PDE4C: variants seen among roughly 807,000 people sequenced by gnomAD.
The protein encoded by PDE4C is phosphodiesterase 4C.
PDE4C carries 50 observed loss-of-function variants against 63.9 expected under a neutral mutation model. That is an observed-to-expected ratio of 0.78 (90% confidence interval 0.62 to 0.99). PDE4C has a LOEUF of 0.99. PDE4C is among the 50% of genes least tolerant of loss of function. The pLI is 0.00. For synonymous variants in PDE4C, 377 were observed against 385.1 expected (o/e 0.98, Z 0.25); for missense variants, 777 against 899.1 (o/e 0.86, Z 1.74).
At chr19:18,235,118 C>G (rs1204275727), upstream of PDE4C, among the ~76,000 whole-genome samples, 1 of 152,188 alleles carries the variant, frequency 6.6e-6, no homozygotes, top group Non-Finnish European at 1.5e-5. Context: ...GCTGTGCATA[C>G]CAGTGCCCCC....
At chr19:18,245,050 T>A (rs192777063) in intron 1 of PDE4C, among the ~76,000 whole-genome samples, 2 of 152,126 alleles carry the variant, frequency 1.3e-5, no homozygotes, top group African/African-American at 2.4e-5. Context: ...TTGGCCAGGA[T>A]GGTCTCGATC....
chr19:18,211,931 T>A (rs148641627), exon 14 of PDE4C: 2 of 1,613,904 alleles, frequency 1.2e-6, no homozygotes, highest in South Asian at 1.1e-5. Context: ...GTGCACCAGG[T>A]TCTGCAAGAC....
chr19:18,216,993 C>A (rs549136044), intron 11 of PDE4C, 98 bp from the exon 12 acceptor site: 2 of 1,348,572 alleles, frequency 1.5e-6, no homozygotes, highest in South Asian at 2.9e-5. Flanking sequence ...CCTACCCATG[C>A]GTTGAAGGCC....
At chr19:18,228,665 G>T (rs1968790740), upstream of PDE4C, among the ~76,000 whole-genome samples, 1 of 152,186 alleles carries the variant, frequency 6.6e-6, no homozygotes, top group African/African-American at 2.4e-5. Flanking sequence ...TTTATTAACA[G>T]TTCTAACAGG....
rs183643203 is a variant in PDE4C at position 18,246,172 on chromosome 19, C to T, written c.-210+1999G>A. On this transcript the variant is annotated intron_variant, in intron 1 of 15. Coordinates refer to the PDE4C transcript ENST00000594617. Reference sequence around the variant, plus strand: ...CTGGGATTACAGGTGCCCGCCACCACACCAGGCTAATTTTTTTTTTTTTTT... The same window carrying T: ...CTGGGATTACAGGTGCCCGCCACCATACCAGGCTAATTTTTTTTTTTTTTT... Among the ~76,000 whole-genome samples the T allele has an allele frequency of 6.6e-3, 967 of 146,680 alleles. 71 individuals are homozygous for T. The East Asian group carries it at 0.18, about 27-fold the overall frequency.
chr19:18,213,147 G>A (rs544972373), intron 13 of PDE4C, among the ~76,000 whole-genome samples: 16 of 151,538 alleles, frequency 1.1e-4, no homozygotes, highest in African/African-American at 3.6e-4. Flanking sequence ...AGCTGGGCGC[G>A]GTGCCGGGCA....
chr19:18,221,039 C>T (rs1968451822), intron 4 of PDE4C, 66 bp downstream of exon 4: 2 of 1,511,612 alleles, frequency 1.3e-6, no homozygotes, highest in Non-Finnish European at 1.8e-6. Flanking sequence ...CCTCAATTTG[C>T]AGCCCGCTTT....
exon 1 of PDE4C, chr19:18,233,508 A>G (rs1463084551): frequency 2.1e-5 from 13 of 617,954 alleles, no homozygotes; most frequent in Non-Finnish European, 3.6e-5. Context: ...GCCGTCCCCT[A>G]TAGCGCTGCA....
intron 1 of PDE4C, chr19:18,232,863 T>G: frequency 2.0e-4 from 198 of 994,404 alleles, no homozygotes; most frequent in Non-Finnish European, 2.0e-4. Context: ...CCCCGCCCCC[T>G]GGAGAAGCAA....
chr19:18,251,442 T>C (rs1969227824), upstream of PDE4C, among the ~76,000 whole-genome samples: 1 of 150,388 alleles, frequency 6.6e-6, no homozygotes, highest in South Asian at 2.1e-4. Flanking sequence ...ATTTTATTTA[T>C]TTATTTATTT....
At chr19:18,242,798 A>AAG (rs1555697737) in intron 1 of PDE4C, among the ~76,000 whole-genome samples, 1 of 151,172 alleles carries the variant, frequency 6.6e-6, no homozygotes, top group Non-Finnish European at 1.5e-5. Flanking sequence ...AAAAAAAAAA[A>AAG]AAAAAGGGAA....
At chr19:18,231,818 T>G (rs1228958843) in intron 1 of PDE4C, among the ~76,000 whole-genome samples, 1 of 152,062 alleles carries the variant, frequency 6.6e-6, no homozygotes, top group Non-Finnish European at 1.5e-5. Flanking sequence ...CCCCTGAGGA[T>G]TCTACATTAT....
chr19:18,212,006 A>C, intron 13 of PDE4C, 65 bp from the exon 14 acceptor site: 1 of 1,519,598 alleles, frequency 6.6e-7, no homozygotes, highest in Non-Finnish European at 9.1e-7. Context: ...TGGCACCTCC[A>C]CAGACAGGCT....
chr19:18,243,164 A>G (rs1969074031), intron 1 of PDE4C, among the ~76,000 whole-genome samples: 1 of 151,916 alleles, frequency 6.6e-6, no homozygotes, highest in African/African-American at 2.4e-5. Flanking sequence ...CTGTAGTGTA[A>G]TGGCACAGTC....
At chr19:18,222,876 T>C (rs1968555203) in intron 1 of PDE4C, among the ~76,000 whole-genome samples, 1 of 151,522 alleles carries the variant, frequency 6.6e-6, no homozygotes, top group South Asian at 2.1e-4. Flanking sequence ...ATTTTAAAAT[T>C]TTTTGTAGAG....
At chr19:18,235,037 G>C (rs1175316408), upstream of PDE4C, among the ~76,000 whole-genome samples, 1 of 152,074 alleles carries the variant, frequency 6.6e-6, no homozygotes, top group Non-Finnish European at 1.5e-5. Context: ...GAATAATAAT[G>C]GTGTCTCCAA....
chr19:18,229,599 G>A (rs1362340147), upstream of PDE4C, among the ~76,000 whole-genome samples: 2 of 152,002 alleles, frequency 1.3e-5, no homozygotes, highest in Non-Finnish European at 2.9e-5. Context: ...CCTTCTCTGG[G>A]CAGGCACTTT....
chr19:18,211,911 G>T (rs1967969046), exon 14 of PDE4C: 1 of 1,614,210 alleles, frequency 6.2e-7, no homozygotes, highest in African/African-American at 1.3e-5. Context: ...GGGTTGCTCA[G>T]ATCAGCACAG....
intron 1 of PDE4C, among the ~76,000 whole-genome samples, chr19:18,223,563 C>T (rs1968588325): frequency 1.3e-5 from 2 of 152,194 alleles, no homozygotes; most frequent in South Asian, 4.1e-4. Flanking sequence ...CCAGGCTGCT[C>T]TTGAACTCCT....
Sources: allele counts gnomAD v4.1 joint callset (sites outside exome capture counted in the v4.1 genomes callset), GRCh38; gene constraint gnomAD v4.1.1; transcripts MANE v1.5; gene names NCBI Gene and HGNC (gene_info 2026-07-23, HGNC 2026-07-21).